Variants in LSAMP observed in about 807,000 individuals in gnomAD.
LSAMP encodes the protein limbic system associated membrane protein.
Under a neutral mutation model 38.6 loss-of-function variants are expected in LSAMP, and 7 were observed. That is an observed-to-expected ratio of 0.18 (90% confidence interval 0.10 to 0.34). LSAMP has a LOEUF of 0.34. Ranked by LOEUF, LSAMP falls within the 10% of genes least tolerant of loss-of-function variation. The pLI is 1.00. For synonymous variants in LSAMP, 154 were observed against 166.8 expected, an observed-to-expected ratio of 0.92 and a Z score of 0.59; for missense variants, 313 against 420.0, an observed-to-expected ratio of 0.75 and a Z score of 2.23.
In LSAMP at chr3:115,840,651, G is replaced by A. The variant is rs374773753; in HGVS notation, c.919+1194C>T. ...GTCATTTGTGGTTGTTTTTATAAAC[G>A]GAGTTGGATCTTAAAGAGTTTTAAA... On this transcript the variant is annotated intron_variant, in intron 6 of 6. Coordinates refer to ENST00000490035, the MANE Select transcript of LSAMP (RefSeq NM_002338.5). Among the ~76,000 whole-genome samples, 28 of 152,266 alleles carry A rather than the reference G, an allele frequency of 1.8e-4. 1 individual carries two copies. The East Asian group carries it at 4.1e-3, about 22-fold the overall frequency.
intron 2 of LSAMP, among the ~76,000 whole-genome samples, chr3:116,030,347 G>A (rs1940891170): frequency 1.3e-5 from 2 of 152,080 alleles, no homozygotes; most frequent in Admixed American, 1.3e-4. Flanking sequence ...ACGGGTCATT[G>A]CCTTGCTAAA....
intron 1 of LSAMP, among the ~76,000 whole-genome samples, chr3:116,307,907 T>C (rs2047504454): frequency 1.3e-5 from 2 of 152,062 alleles, no homozygotes. Context: ...ATATTTGATC[T>C]AGAATAAACT....
intron 1 of LSAMP, among the ~76,000 whole-genome samples, chr3:116,410,501 T>TG (rs11393280): frequency 6.7e-6 from 1 of 150,104 alleles, no homozygotes. Flanking sequence ...CATTTTTTTT[T>TG]TAAACTGGGA....
chr3:116,127,666 C>G (rs1186610876), intron 1 of LSAMP, among the ~76,000 whole-genome samples: 1 of 144,248 alleles, frequency 6.9e-6, no homozygotes, highest in East Asian at 2.0e-4. Flanking sequence ...AGACTGAAAG[C>G]TGAGTCGGCA....
chr3:115,934,351 T>C (rs1013576093), intron 3 of LSAMP, among the ~76,000 whole-genome samples: 1 of 151,956 alleles, frequency 6.6e-6, no homozygotes, highest in Non-Finnish European at 1.5e-5. Context: ...CTAATTTTTG[T>C]ATTTTTAGTA....
chr3:116,098,019 G>A (rs13089381), intron 1 of LSAMP, among the ~76,000 whole-genome samples: 1 of 152,022 alleles, frequency 6.6e-6, no homozygotes, highest in African/African-American at 2.4e-5. Flanking sequence ...ACAGGCATGA[G>A]CCACCACACC....
chr3:116,291,963 C>G (rs1257779400), intron 1 of LSAMP, among the ~76,000 whole-genome samples: 1 of 152,106 alleles, frequency 6.6e-6, no homozygotes, highest in Non-Finnish European at 1.5e-5. Flanking sequence ...TTTTCTTATT[C>G]TCTTCTTCAT....
intron 3 of LSAMP, among the ~76,000 whole-genome samples, chr3:115,868,042 G>C (rs1935911082): frequency 6.6e-6 from 1 of 152,084 alleles, no homozygotes; most frequent in Non-Finnish European, 1.5e-5. Flanking sequence ...AATATTCCTA[G>C]TCCTAATATA....
At position 116,122,438 on chromosome 3, in the gene LSAMP, A is replaced by G. The variant is rs1708904693; in HGVS notation, c.156-35882T>C. ...GCTCAGTTTAAATGTCACCTTATCA[A>G]AAGGTCTTTCCTGACCCCCTGTCTG... On this transcript the variant is annotated intron_variant, in intron 1 of 6. Coordinates refer to ENST00000490035, the MANE Select transcript of LSAMP (RefSeq NM_002338.5). Among the ~76,000 whole-genome samples, 2 of 152,202 alleles carry G rather than the reference A, an allele frequency of 1.3e-5. 1 individual carries two copies. The highest frequency in any genetic ancestry group is 4.1e-4 in the South Asian group (2 of 4,832).
intron 3 of LSAMP, among the ~76,000 whole-genome samples, chr3:115,867,823 TATA>T (rs1238251109): frequency 6.6e-6 from 1 of 152,140 alleles, no homozygotes; most frequent in Non-Finnish European, 1.5e-5. Flanking sequence ...TGATATGACA[TATA>T]ATAATCATTC....
intron 1 of LSAMP, among the ~76,000 whole-genome samples, chr3:116,087,205 G>T (rs1314865959): frequency 6.6e-6 from 1 of 152,144 alleles, no homozygotes; most frequent in Non-Finnish European, 1.5e-5. Context: ...TGGCAAGTTA[G>T]GTTGCTACCA....
intron 1 of LSAMP, among the ~76,000 whole-genome samples, chr3:116,148,687 A>G (rs1366334221): frequency 2.6e-5 from 4 of 152,000 alleles, no homozygotes; most frequent in African/African-American, 7.2e-5. Flanking sequence ...TCTTTGTTCC[A>G]TGTAACCTCA....
intron 1 of LSAMP, among the ~76,000 whole-genome samples, chr3:116,205,024 C>T (rs1179278524): frequency 7.0e-6 from 1 of 143,348 alleles, no homozygotes; most frequent in Non-Finnish European, 1.5e-5. Context: ...TTGATTCTTC[C>T]TACCCATGAG....
At chr3:116,408,949 T>C (rs1193504928) in intron 1 of LSAMP, among the ~76,000 whole-genome samples, 1 of 152,030 alleles carries the variant, frequency 6.6e-6, no homozygotes, top group Non-Finnish European at 1.5e-5. Context: ...GAGATATACG[T>C]TCTATTCCTT....
chr3:116,225,950 G>C (rs1056106340), intron 1 of LSAMP, among the ~76,000 whole-genome samples: 4 of 152,054 alleles, frequency 2.6e-5, no homozygotes, highest in African/African-American at 9.7e-5. Context: ...TCTACACCTT[G>C]TATTGGCTCT....
intron 1 of LSAMP, among the ~76,000 whole-genome samples, chr3:116,349,558 T>A (rs2048110766): frequency 6.6e-6 from 1 of 151,594 alleles, no homozygotes; most frequent in Non-Finnish European, 1.5e-5. Context: ...TTCATAATTT[T>A]TTAGCATTTA....
chr3:116,209,818 C>G (rs967663605), intron 1 of LSAMP, among the ~76,000 whole-genome samples: 1 of 152,146 alleles, frequency 6.6e-6, no homozygotes, highest in South Asian at 2.1e-4. Context: ...GTGGCACGAT[C>G]TCCGCTCACT....
intron 3 of LSAMP, among the ~76,000 whole-genome samples, chr3:115,932,513 C>T (rs544472181): frequency 6.6e-6 from 1 of 152,194 alleles, no homozygotes; most frequent in South Asian, 2.1e-4. Flanking sequence ...AGGTGGATTC[C>T]AGAATCACAG....
At chr3:116,052,961 G>A (rs917451511) in intron 2 of LSAMP, among the ~76,000 whole-genome samples, 14 of 152,160 alleles carry the variant, frequency 9.2e-5, no homozygotes, top group Admixed American at 5.9e-4. Flanking sequence ...TAAAATCTGG[G>A]TAAAATGTCT....
Sources: allele counts gnomAD v4.1 joint callset (sites outside exome capture counted in the v4.1 genomes callset), GRCh38; gene constraint gnomAD v4.1.1; transcripts MANE v1.5; gene names NCBI Gene and HGNC (gene_info 2026-07-23, HGNC 2026-07-21).